The following DCX variants were observed in gnomAD, a reference collection of about 807,000 sequenced individuals.
DCX encodes doublecortin.
Under a neutral mutation model 20.9 loss-of-function variants are expected in DCX, and 4 were observed. That is an observed-to-expected ratio of 0.19 (90% CI 0.09 to 0.44). The LOEUF (loss-of-function observed/expected upper bound fraction) is 0.44. Ranked by LOEUF, DCX falls within the 20% of genes least tolerant of loss-of-function variation. The probability of loss-of-function intolerance (pLI) is 0.99; values close to 1 mark genes in which losing one functional copy is unlikely to be tolerated. For missense variants in DCX, 133 were observed against 296.9 expected, an observed-to-expected ratio of 0.45 and a Z score of 4.06; for synonymous variants, 103 against 111.4, an observed-to-expected ratio of 0.92 and a Z score of 0.47.
At chrX:111,386,183 C>A (rs1926500294) in intron 3 of DCX, among the ~76,000 whole-genome samples, 1 of 110,368 alleles carries the variant, frequency 9.1e-6, no homozygotes, top group Non-Finnish European at 1.9e-5. Flanking sequence ...ATTTTTTTTT[C>A]TTTGCTTGGC....
intron 3 of DCX, among the ~76,000 whole-genome samples, chrX:111,358,192 C>A (rs1042741471): frequency 1.8e-5 from 2 of 112,175 alleles, no homozygotes; most frequent in African/African-American, 6.5e-5. Flanking sequence ...CAATTTTAAA[C>A]CATTTAGCTC....
chrX:111,356,984 C>T (rs1025113221), intron 3 of DCX, among the ~76,000 whole-genome samples: 2 of 111,609 alleles, frequency 1.8e-5, no homozygotes, highest in Non-Finnish European at 3.8e-5. Context: ...AACTTTGGGG[C>T]CAAAGCAAAA....
rs749884975 is a variant in DCX, at chrX:111,410,794, C to T, written c.-22-374G>A. ...TCAAATTGGAACTTCGGGCTAAATA[C>T]ATTAAAACTGGCATCTGTTTCCTCA... On this transcript the variant is annotated intron_variant, in intron 1 of 6. Coordinates refer to ENST00000636035, the MANE Select transcript of DCX (RefSeq NM_001195553.2). 6 of 1,211,024 alleles carry T rather than the reference C, an allele frequency of 5.0e-6. No individual in the cohort carries two copies. In the South Asian group the frequency reaches 1.1e-4, roughly 21 times the overall value.
chrX:111,312,029 G>A (rs1051807175), intron 6 of DCX, among the ~76,000 whole-genome samples: 1 of 112,360 alleles, frequency 8.9e-6, no homozygotes, highest in African/African-American at 3.2e-5. Context: ...CGGGGCTAGG[G>A]AATTTATGTG....
At chrX:111,372,275 C>T (rs947196830) in intron 3 of DCX, among the ~76,000 whole-genome samples, 1 of 112,069 alleles carries the variant, frequency 8.9e-6, no homozygotes, top group Non-Finnish European at 1.9e-5. Context: ...AGCTCCCTGA[C>T]GCTCTGTTCT....
At chrX:111,316,697 C>T (rs2095073544) in intron 5 of DCX, among the ~76,000 whole-genome samples, 1 of 111,564 alleles carries the variant, frequency 9.0e-6, no homozygotes, top group African/African-American at 3.3e-5. Flanking sequence ...CCCAAAAACT[C>T]CTTGATCTCA....
At chrX:111,352,837 CAGAGAG>C (rs768081351) in intron 3 of DCX, among the ~76,000 whole-genome samples, 1,595 of 89,869 alleles carry the variant, frequency 0.018, 23 homozygotes, top group East Asian at 0.076. Flanking sequence ...GACAGACAGA[CAGAGAG>C]AGAGAGAGAG....
chrX:111,408,081 T>G (rs990265443), intron 2 of DCX, among the ~76,000 whole-genome samples: 2 of 111,105 alleles, frequency 1.8e-5, no homozygotes, highest in African/African-American at 6.6e-5. Context: ...ATCCCTGAAA[T>G]TTGACTGAGA....
intron 5 of DCX, among the ~76,000 whole-genome samples, 155 bp downstream of exon 5, chrX:111,330,749 C>T (rs1921140144): frequency 8.9e-6 from 1 of 112,352 alleles, no homozygotes; most frequent in Non-Finnish European, 1.9e-5. Flanking sequence ...GCCTCCATGA[C>T]TCCAAACAAG....
chrX:111,335,730 G>A (rs1391914737), intron 3 of DCX, among the ~76,000 whole-genome samples: 6 of 111,848 alleles, frequency 5.4e-5, no homozygotes, highest in Non-Finnish European at 7.5e-5. Flanking sequence ...GGTGGATCAC[G>A]ATGTCAGGAG....
intron 3 of DCX, among the ~76,000 whole-genome samples, chrX:111,379,811 C>T (rs896361482): frequency 5.4e-5 from 6 of 111,720 alleles, no homozygotes; most frequent in Non-Finnish European, 9.4e-5. Flanking sequence ...TATATTCCCA[C>T]CACCAGTGCA....
At chrX:111,343,099 TC>T (rs1254374686) in intron 3 of DCX, among the ~76,000 whole-genome samples, 3 of 92,336 alleles carry the variant, frequency 3.2e-5, no homozygotes, top group African/African-American at 1.3e-4. Flanking sequence ...GCACACAAAC[TC>T]CCCCCCACCC....
At chrX:111,402,024 G>A (rs1271968920) in intron 2 of DCX, among the ~76,000 whole-genome samples, 1 of 111,942 alleles carries the variant, frequency 8.9e-6, no homozygotes, top group East Asian at 2.8e-4. Flanking sequence ...ATAACAACCA[G>A]TACATATAAA....
chrX:111,371,212 T>C (rs1296786641), intron 3 of DCX, among the ~76,000 whole-genome samples: 1 of 112,520 alleles, frequency 8.9e-6, no homozygotes, highest in African/African-American at 3.2e-5. Context: ...ACCTGTATAA[T>C]ACAAACCTTT....
rs146784675 is a variant in DCX at position 111,341,604 on chromosome X, A to T, written c.706-8451T>A. Among the ~76,000 whole-genome samples the T allele has an allele frequency of 1.3e-3, 145 of 111,523 alleles. 1 individual carries two copies. The East Asian group carries it at 0.025, about 19-fold the overall frequency. ...TCTCCAAGGTCTAAATGAAGGAAAA[A>T]ATGTTAAGGGCAGCCAGAGAGAAAG... On this transcript the variant is annotated intron_variant, in intron 3 of 6. Coordinates refer to ENST00000636035, the MANE Select transcript of DCX (RefSeq NM_001195553.2).
Position 111,389,901 on chromosome X carries a change from C to T in DCX, c.705+11089G>A, listed in dbSNP as rs141594136. Among the ~76,000 whole-genome samples, 49 of 111,538 alleles carry T rather than the reference C, an allele frequency of 4.4e-4. No individual in the cohort carries two copies. The East Asian group carries it at 0.013, about 30-fold the overall frequency. On this transcript the variant is annotated intron_variant, in intron 3 of 6. Transcript: ENST00000636035. The stretch of plus-strand genomic sequence containing the variant: ...CCCTGACCTTTGTATATTCTCCTCT[C>T]TTTGAATTATAATTATGAGTTGCCA...
At chrX:111,402,376 G>C (rs1678689702) in intron 2 of DCX, among the ~76,000 whole-genome samples, 1 of 111,891 alleles carries the variant, frequency 8.9e-6, no homozygotes, top group African/African-American at 3.3e-5. Flanking sequence ...GCCTGGGGAA[G>C]AGAATACTGG....
chrX:111,346,429 T>C (rs1331530926), intron 3 of DCX, among the ~76,000 whole-genome samples: 2 of 112,622 alleles, frequency 1.8e-5, no homozygotes, highest in Non-Finnish European at 3.8e-5. Context: ...GAAAACATTA[T>C]GTTAAGTGAA....
chrX:111,358,142 G>A (rs1473226804), intron 3 of DCX, among the ~76,000 whole-genome samples: 3 of 112,054 alleles, frequency 2.7e-5, no homozygotes, highest in Non-Finnish European at 5.6e-5. Flanking sequence ...TTGGAGTTCT[G>A]ACTAAGATTT....
Sources: gnomAD v4.1 joint callset for allele counts (sites outside exome capture counted in the v4.1 genomes callset) on GRCh38, gnomAD v4.1.1 for gene constraint, MANE v1.5 for transcripts, NCBI Gene and HGNC (gene_info 2026-07-23, HGNC 2026-07-21) for gene names.